SGCZ: variants seen among roughly 807,000 people sequenced by gnomAD.
SGCZ encodes the protein zeta-sarcoglycan.
Under a neutral mutation model 41.3 loss-of-function variants are expected in SGCZ, and 40 were observed. That is an observed-to-expected ratio of 0.97 (90% CI 0.75 to 1.26). The LOEUF (loss-of-function observed/expected upper bound fraction) is 1.26, where lower values mean the gene tolerates loss of function less well. Among genes scored for constraint, SGCZ ranks in the 50% most tolerant of loss-of-function variants. The pLI, the probability that SGCZ is intolerant of heterozygous loss-of-function variation, is 0.00. For missense variants in SGCZ, 552 were observed against 369.8 expected (o/e 1.49, Z -4.04); for synonymous variants, 206 against 137.5 (o/e 1.50, Z -3.49).
At chr8:14,759,581 G>A (rs1231978658) in intron 1 of SGCZ, among the ~76,000 whole-genome samples, 4 of 152,076 alleles carry the variant, frequency 2.6e-5, no homozygotes, top group African/African-American at 7.2e-5. Context: ...GGTTAGATAC[G>A]CTATTAAGAT....
chr8:15,139,865 T>C (rs1585604699), intron 1 of SGCZ, among the ~76,000 whole-genome samples: 1 of 152,112 alleles, frequency 6.6e-6, no homozygotes, highest in Admixed American at 6.5e-5. Flanking sequence ...TCACTGAAGT[T>C]CCCCCATGGC....
Position 15,171,258 on chromosome 8 carries a change from G to A in SGCZ, c.39+66327C>T, listed in dbSNP as rs181795590. Among the ~76,000 whole-genome samples the A allele has an allele frequency of 4.6e-5, 7 of 152,272 alleles. No homozygotes were observed. In the East Asian group the frequency reaches 1.2e-3, roughly 25 times the overall value. ...TCGAAGTATATTTTAAAAGCTTAAA[G>A]TTGAAAGAGATTGTGCAGGGTAAAA... On this transcript the variant is annotated intron_variant, in intron 1 of 7. Transcript: ENST00000382080.
At chr8:14,372,479 G>A (rs1803950569) in intron 2 of SGCZ, among the ~76,000 whole-genome samples, 1 of 152,082 alleles carries the variant, frequency 6.6e-6, no homozygotes. Flanking sequence ...ATTTTGGTGA[G>A]GTGAGAAAGA....
At chr8:15,087,230 T>C (rs1479457134) in intron 1 of SGCZ, among the ~76,000 whole-genome samples, 1 of 152,022 alleles carries the variant, frequency 6.6e-6, no homozygotes, top group Non-Finnish European at 1.5e-5. Context: ...CTGCTGGATA[T>C]AGTAAAGTTC....
Position 14,578,834 on chromosome 8 carries a change from T to A in SGCZ, c.40-23908A>T, listed in dbSNP as rs543135508. Among the ~76,000 whole-genome samples, 157 of 152,334 alleles carry A rather than the reference T, an allele frequency of 1.0e-3. 1 individual carries two copies. Among genetic ancestry groups the A allele is most frequent in the African/African-American group, 4.3e-4 (18 of 41,582 alleles). ...TGTCTCTCTGTTTACAAATTAGATA[T>A]GTAAAACTTAATAGCATCCAATTTG... is the stretch of plus-strand genomic sequence containing the variant. On this transcript the variant is annotated intron_variant, in intron 1 of 7. Transcript: ENST00000382080.
chr8:15,231,610 CTTTTTTTTTTTTT>C (rs914572473), intron 1 of SGCZ, among the ~76,000 whole-genome samples: 1 of 72,114 alleles, frequency 1.4e-5, no homozygotes, highest in African/African-American at 5.4e-5. Flanking sequence ...TTAATATATT[CTTTTTTTTTTTTT>C]TTTTTTTTTT....
At chr8:14,144,635 G>A (rs1803468150) in intron 5 of SGCZ, among the ~76,000 whole-genome samples, 1 of 152,314 alleles carries the variant, frequency 6.6e-6, no homozygotes, top group African/African-American at 2.4e-5. Context: ...TGTATCTTAA[G>A]TATCAGCATT....
chr8:14,413,258 C>T (rs909098272), intron 2 of SGCZ, among the ~76,000 whole-genome samples: 1 of 151,950 alleles, frequency 6.6e-6, no homozygotes, highest in African/African-American at 2.4e-5. Flanking sequence ...ATTATTCAAT[C>T]GACAAAGGGT....
chr8:14,597,158 C>T (rs35868129), intron 1 of SGCZ, among the ~76,000 whole-genome samples: 2 of 151,902 alleles, frequency 1.3e-5, no homozygotes, highest in African/African-American at 4.8e-5. Context: ...TATTTTAAAT[C>T]AAAAAAGCTG....
At chr8:14,130,076 A>G (rs1585161774) in intron 5 of SGCZ, among the ~76,000 whole-genome samples, 1 of 152,212 alleles carries the variant, frequency 6.6e-6, no homozygotes, top group East Asian at 1.9e-4. Context: ...TGATTATAAA[A>G]CTTAACACAA....
intron 2 of SGCZ, among the ~76,000 whole-genome samples, chr8:14,524,064 C>T (rs181926081): frequency 6.6e-6 from 1 of 152,038 alleles, no homozygotes; most frequent in East Asian, 1.9e-4. Flanking sequence ...GGTAAAACTA[C>T]ACATGTAAAG....
At chr8:15,112,903 C>T (rs540410135) in intron 1 of SGCZ, among the ~76,000 whole-genome samples, 4 of 152,022 alleles carry the variant, frequency 2.6e-5, no homozygotes, top group South Asian at 2.1e-4. Context: ...TGAAGTCATG[C>T]GTTGTGTGGG....
chr8:15,145,478 CT>C (rs1389975139), intron 1 of SGCZ, among the ~76,000 whole-genome samples: 2 of 152,056 alleles, frequency 1.3e-5, no homozygotes, highest in African/African-American at 4.8e-5. Context: ...CTTCTGTCTT[CT>C]TTTTTTACAC....
At chr8:14,655,420 C>T (rs557132676) in intron 1 of SGCZ, among the ~76,000 whole-genome samples, 26 of 152,132 alleles carry the variant, frequency 1.7e-4, no homozygotes, top group African/African-American at 4.6e-4. Context: ...TTCCTGCATG[C>T]GTAACTTGAG....
chr8:14,812,678 C>A (rs1197958007), intron 1 of SGCZ, among the ~76,000 whole-genome samples: 1 of 152,044 alleles, frequency 6.6e-6, no homozygotes, highest in African/African-American at 2.4e-5. Context: ...CGCATTATAA[C>A]TGATGAATAA....
Position 14,304,815 on chromosome 8 carries a change from T to A in SGCZ, c.336+19288A>T, listed in dbSNP as rs566551077. Among the ~76,000 whole-genome samples, 4 of 152,316 alleles carry A rather than the reference T, an allele frequency of 2.6e-5. No individual in the cohort carries two copies. The East Asian group carries it at 5.8e-4, about 22-fold the overall frequency. On this transcript the variant is annotated intron_variant, in intron 3 of 7. Transcript: ENST00000382080. ...AATGAAAACTGAAATCATTCAATGG[T>A]AATTCCAGAAATAGCACACCTAGTT...
chr8:14,426,809 T>A (rs959082336), intron 2 of SGCZ, among the ~76,000 whole-genome samples: 1 of 151,946 alleles, frequency 6.6e-6, no homozygotes, highest in African/African-American at 2.4e-5. Flanking sequence ...TTAAAGTGAG[T>A]TGCAAAGATT....
intron 2 of SGCZ, among the ~76,000 whole-genome samples, chr8:14,354,622 G>C (rs10113011): frequency 1.3e-5 from 2 of 151,376 alleles, no homozygotes; most frequent in Non-Finnish European, 3.0e-5. Context: ...ATAAACCATC[G>C]TGTCTACATA....
intron 1 of SGCZ, among the ~76,000 whole-genome samples, chr8:14,675,971 C>A (rs1228965235): frequency 2.0e-5 from 3 of 152,130 alleles, no homozygotes; most frequent in Admixed American, 6.5e-5. Context: ...TAAACAGAAA[C>A]ACCTGCAGAG....
Sources: gnomAD v4.1 joint callset for allele counts (sites outside exome capture counted in the v4.1 genomes callset) on GRCh38, gnomAD v4.1.1 for gene constraint, MANE v1.5 for transcripts, NCBI Gene and HGNC (gene_info 2026-07-23, HGNC 2026-07-21) for gene names.